PCDH15: variants seen among roughly 807,000 people sequenced by gnomAD.
The protein encoded by PCDH15 is protocadherin related 15.
Under a neutral mutation model 178.5 loss-of-function variants are expected in PCDH15, and 129 were observed. The observed-to-expected ratio is 0.72, with a 90% CI of 0.63 to 0.84. The LOEUF (loss-of-function observed/expected upper bound fraction) is 0.84. Ranked by LOEUF, PCDH15 falls within the 40% of genes least tolerant of loss-of-function variation. The pLI is 0.00. For missense variants in PCDH15, 2,230 were observed against 2,099.9 expected (o/e 1.06, Z -1.21); for synonymous variants, 800 against 732.0 (o/e 1.09, Z -1.50).
intron 21 of PCDH15, among the ~76,000 whole-genome samples, chr10:53,968,040 G>A (rs1462017552): frequency 6.6e-6 from 1 of 151,978 alleles, no homozygotes; most frequent in East Asian, 1.9e-4. Flanking sequence ...GCAGCCCATG[G>A]AGCAGGGTGG....
intron 13 of PCDH15, among the ~76,000 whole-genome samples, chr10:54,179,409 G>A (rs2047757130): frequency 7.1e-6 from 1 of 141,728 alleles, no homozygotes; most frequent in Admixed American, 7.2e-5. Flanking sequence ...TCACACTCTG[G>A]GGACTGTTGT....
At chr10:53,904,798 C>A (rs547069137) in intron 25 of PCDH15, among the ~76,000 whole-genome samples, 2 of 152,048 alleles carry the variant, frequency 1.3e-5, no homozygotes, top group East Asian at 1.9e-4. Flanking sequence ...ATAAAAAATG[C>A]GAACAGCTCT....
intron 2 of PCDH15, among the ~76,000 whole-genome samples, chr10:54,616,945 A>T (rs1412675463): frequency 1.3e-5 from 2 of 152,176 alleles, no homozygotes; most frequent in East Asian, 3.9e-4. Context: ...TAAATTCAGC[A>T]TAAAAAAGAA....
intron 1 of PCDH15, among the ~76,000 whole-genome samples, chr10:55,293,451 T>A (rs1269982335): frequency 6.6e-6 from 1 of 152,196 alleles, no homozygotes; most frequent in Non-Finnish European, 1.5e-5. Flanking sequence ...CAGACTTGAA[T>A]TTCTCCTCAG....
At chr10:53,866,269 C>A (rs923110015) in intron 27 of PCDH15, among the ~76,000 whole-genome samples, 1 of 151,922 alleles carries the variant, frequency 6.6e-6, no homozygotes, top group African/African-American at 2.4e-5. Flanking sequence ...TATAGTATAA[C>A]TCTGTGAAGC....
intron 2 of PCDH15, among the ~76,000 whole-genome samples, chr10:55,042,738 TGTA>T (rs982959701): frequency 1.3e-5 from 2 of 152,012 alleles, no homozygotes; most frequent in Non-Finnish European, 1.5e-5. Flanking sequence ...GATAAGAAAA[TGTA>T]GTGCTGGATC....
Position 54,566,430 on chromosome 10 carries a change from A to G in PCDH15, c.92-38553T>C, listed in dbSNP as rs1054926682. On this transcript the variant is annotated intron_variant, in intron 2 of 37. Coordinates refer to ENST00000644397, the MANE Select transcript of PCDH15 (RefSeq NM_001384140.1). ...ACTAAATGTATAATGAGATGTTTCT[A>G]TCATTATAGTATCATACAGACTTAT... 1.3e-5 allele frequency among the ~76,000 whole-genome samples: 2 copies of G among 152,216 alleles called. 1 individual carries two copies. Among genetic ancestry groups the G allele is most frequent in the East Asian group, 3.9e-4 (2 of 5,152 alleles).
intron 2 of PCDH15, among the ~76,000 whole-genome samples, chr10:54,972,424 C>T (rs1838956709): frequency 6.6e-6 from 1 of 151,976 alleles, no homozygotes; most frequent in South Asian, 2.1e-4. Flanking sequence ...CCTATAAGCT[C>T]AGCTACTCAG....
At chr10:54,089,902 A>G (rs2094571783) in intron 16 of PCDH15, 82 bp downstream of exon 16, 1 of 1,050,624 alleles carries the variant, frequency 9.5e-7, no homozygotes, top group African/African-American at 1.6e-5. Context: ...AACAGCTGAA[A>G]GCCTCTGATT....
intron 3 of PCDH15, among the ~76,000 whole-genome samples, chr10:54,841,797 T>A (rs1281138804): frequency 6.6e-6 from 1 of 151,820 alleles, no homozygotes. Flanking sequence ...AAATATATAA[T>A]GCATATTATT....
intron 2 of PCDH15, among the ~76,000 whole-genome samples, chr10:55,484,783 G>C (rs895413651): frequency 6.6e-6 from 1 of 151,702 alleles, no homozygotes. Context: ...ACACACTGGG[G>C]TAAGGGCAGT....
At chr10:55,393,080 G>T (rs1032492467) in intron 2 of PCDH15, among the ~76,000 whole-genome samples, 1 of 151,814 alleles carries the variant, frequency 6.6e-6, no homozygotes, top group African/African-American at 2.4e-5. Flanking sequence ...TATGAGTTCA[G>T]AGATCATCTT....
At chr10:54,146,982 A>G (rs1158458415) in intron 14 of PCDH15, among the ~76,000 whole-genome samples, 2 of 147,252 alleles carry the variant, frequency 1.4e-5, no homozygotes, top group Non-Finnish European at 3.0e-5. Flanking sequence ...TATAGTGTAT[A>G]TATATATAAT....
At chr10:53,823,700 A>C (rs776703546) in intron 32 of PCDH15, 12 of 471,228 alleles carry the variant, frequency 2.5e-5, no homozygotes, top group Non-Finnish European at 3.8e-5. Flanking sequence ...TTATGCACAA[A>C]TCACAGTTCT....
chr10:54,228,710 C>T (rs546763772), intron 9 of PCDH15, among the ~76,000 whole-genome samples: 1 of 152,142 alleles, frequency 6.6e-6, no homozygotes, highest in Non-Finnish European at 1.5e-5. Flanking sequence ...AGAACTCATC[C>T]TTCCTCTGCC....
chr10:53,954,832 C>A (rs2087454381), intron 23 of PCDH15, among the ~76,000 whole-genome samples: 1 of 152,186 alleles, frequency 6.6e-6, no homozygotes, highest in Non-Finnish European at 1.5e-5. Context: ...GAACAATTTA[C>A]TTCACTAACG....
At chr10:54,227,569 C>G (rs2053587326) in intron 9 of PCDH15, among the ~76,000 whole-genome samples, 1 of 152,226 alleles carries the variant, frequency 6.6e-6, no homozygotes, top group East Asian at 1.9e-4. Context: ...ACGTTTTTCC[C>G]ATTATCTACA....
chr10:54,591,612 A>G (rs922524997), intron 2 of PCDH15, among the ~76,000 whole-genome samples: 15 of 152,228 alleles, frequency 9.9e-5, no homozygotes, highest in African/African-American at 3.6e-4. Flanking sequence ...TAAATTGCTA[A>G]GACAGCAGTA....
intron 2 of PCDH15, among the ~76,000 whole-genome samples, chr10:55,485,253 T>C (rs903057111): frequency 1.3e-5 from 2 of 151,766 alleles, no homozygotes; most frequent in Admixed American, 6.6e-5. Flanking sequence ...CAACAGAAGA[T>C]ATGCAATTAG....
Sources: allele counts gnomAD v4.1 joint callset (sites outside exome capture counted in the v4.1 genomes callset), GRCh38; gene constraint gnomAD v4.1.1; transcripts MANE v1.5; gene names NCBI Gene and HGNC (gene_info 2026-07-23, HGNC 2026-07-21).